The following LRRC4C variants were observed in gnomAD, a reference collection of about 807,000 sequenced individuals.
LRRC4C encodes the protein leucine-rich repeat-containing protein 4C.
A neutral mutation model predicts 33.6 loss-of-function variants in LRRC4C; 5 were observed. The observed-to-expected ratio is 0.15, with a 90% CI of 0.08 to 0.31. The LOEUF is 0.31. Among genes scored for constraint, LRRC4C ranks in the 10% least tolerant of loss-of-function variants. The probability of loss-of-function intolerance (pLI) is 1.00; values close to 1 mark genes in which losing one functional copy is unlikely to be tolerated. For synonymous variants in LRRC4C, 329 were observed against 302.0 expected, an observed-to-expected ratio of 1.09 and a Z score of -0.93; for missense variants, 560 against 796.7, an observed-to-expected ratio of 0.70 and a Z score of 3.58.
intron 3 of LRRC4C, among the ~76,000 whole-genome samples, chr11:40,452,576 G>A (rs1485581788): frequency 6.6e-6 from 1 of 152,180 alleles, no homozygotes; most frequent in South Asian, 2.1e-4. Flanking sequence ...CTTTTACACT[G>A]TTGGTGGGAC....
At chr11:40,488,279 T>C (rs993016839) in intron 3 of LRRC4C, among the ~76,000 whole-genome samples, 2 of 147,342 alleles carry the variant, frequency 1.4e-5, no homozygotes, top group South Asian at 2.1e-4. Flanking sequence ...AGGGTGTTTT[T>C]TTCCCCCCCC....
intron 3 of LRRC4C, among the ~76,000 whole-genome samples, chr11:40,476,580 G>A (rs918651521): frequency 1.1e-4 from 17 of 151,790 alleles, no homozygotes; most frequent in East Asian, 7.7e-4. Flanking sequence ...TCCTGACCTC[G>A]TGATCCACCC....
At chr11:40,681,321 GTAT>G (rs1944674095) in intron 2 of LRRC4C, among the ~76,000 whole-genome samples, 4 of 152,290 alleles carry the variant, frequency 2.6e-5, no homozygotes, top group South Asian at 4.1e-4. Context: ...AAGAGTCACA[GTAT>G]TATTAATTAA....
chr11:40,140,119 T>C (rs1211191722), intron 6 of LRRC4C, among the ~76,000 whole-genome samples: 1 of 152,182 alleles, frequency 6.6e-6, no homozygotes, highest in Non-Finnish European at 1.5e-5. Flanking sequence ...ATTAATTTTG[T>C]CAATTATTTA....
In LRRC4C at chr11:41,150,462, C is replaced by T. The variant is rs1316256260; in HGVS notation, c.-495-216739G>A. 2.6e-5 allele frequency among the ~76,000 whole-genome samples: 4 copies of T among 152,090 alleles called. No individual in the cohort carries two copies. In the South Asian group the frequency reaches 8.3e-4, roughly 31 times the overall value. On this transcript the variant is annotated intron_variant, in intron 1 of 6. Transcript: ENST00000528697. ...TCCGATTTTTGCTTGGGCATGTGTC[C>T]TTATTTCCCTTTTTCTACTGAAAAC...
At chr11:40,896,816 C>T (rs10742568) in intron 2 of LRRC4C, among the ~76,000 whole-genome samples, 129,192 of 152,160 alleles carry the variant, frequency 0.85, 55,772 homozygotes, top group Non-Finnish European at 0.93. Flanking sequence ...TTACAATCTA[C>T]GAGGTGCTGT....
At position 41,069,541 on chromosome 11, in the gene LRRC4C, C is replaced by T. The variant is rs140534296; in HGVS notation, c.-495-135818G>A. ...ACCACATCACCTCAACACAAAAACTCTTCAACTGATAAGCAACTTCAACAA... is the reference window on the plus strand; with the variant it reads ...ACCACATCACCTCAACACAAAAACTTTTCAACTGATAAGCAACTTCAACAA... On this transcript the variant is annotated intron_variant, in intron 1 of 6. Transcript: ENST00000528697. Among the ~76,000 whole-genome samples, 789 of 152,240 alleles carry T rather than the reference C, an allele frequency of 5.2e-3. 4 individuals carry two copies. The highest frequency in any genetic ancestry group is 0.017 in the Middle Eastern group (5 of 294).
At chr11:40,739,685 A>G (rs1453657770) in intron 2 of LRRC4C, among the ~76,000 whole-genome samples, 1 of 151,900 alleles carries the variant, frequency 6.6e-6, no homozygotes, top group Non-Finnish European at 1.5e-5. Context: ...AGTTCTCATG[A>G]TATCTGATAC....
intron 2 of LRRC4C, among the ~76,000 whole-genome samples, chr11:40,809,934 T>C (rs897769399): frequency 6.6e-6 from 1 of 152,200 alleles, no homozygotes; most frequent in Non-Finnish European, 1.5e-5. Context: ...AATAATGGTT[T>C]GAAGTCATAA....
At chr11:40,564,566 G>A (rs1353354) in intron 3 of LRRC4C, among the ~76,000 whole-genome samples, 35,668 of 151,948 alleles carry the variant, frequency 0.23, 4,815 homozygotes, top group East Asian at 0.57. Context: ...TGGGGATTGC[G>A]CCAAATGCCA....
chr11:40,677,122 A>C (rs1944443485), intron 2 of LRRC4C, among the ~76,000 whole-genome samples: 1 of 152,222 alleles, frequency 6.6e-6, no homozygotes, highest in Admixed American at 6.5e-5. Context: ...GTGGTGGCTC[A>C]TGCCTGTAAT....
intron 3 of LRRC4C, among the ~76,000 whole-genome samples, chr11:40,407,399 G>C (rs1950000215): frequency 6.6e-6 from 1 of 151,992 alleles, no homozygotes; most frequent in South Asian, 2.1e-4. Flanking sequence ...GATTGATTTA[G>C]GTTGGTGTTC....
At chr11:40,368,936 T>G (rs181160496) in intron 3 of LRRC4C, among the ~76,000 whole-genome samples, 3 of 151,738 alleles carry the variant, frequency 2.0e-5, no homozygotes, top group Admixed American at 2.0e-4. Context: ...AGGGATGTTG[T>G]AAGATTAATT....
At chr11:41,086,883 T>C (rs916287095) in intron 1 of LRRC4C, among the ~76,000 whole-genome samples, 1 of 150,434 alleles carries the variant, frequency 6.6e-6, no homozygotes, top group Non-Finnish European at 1.5e-5. Context: ...GAAATAGATA[T>C]GAGTCTTTTT....
chr11:41,434,735 G>A (rs1026588774), intron 1 of LRRC4C, among the ~76,000 whole-genome samples: 1 of 152,116 alleles, frequency 6.6e-6, no homozygotes. Flanking sequence ...TCCTGCTTGG[G>A]AAGTCCACAG....
intron 1 of LRRC4C, among the ~76,000 whole-genome samples, chr11:41,303,500 G>A (rs988267213): frequency 7.8e-6 from 1 of 128,958 alleles, no homozygotes; most frequent in Non-Finnish European, 1.6e-5. Flanking sequence ...GCCTCTGCCC[G>A]GCCGCCACCC....
chr11:40,975,125 T>A (rs1851992194), intron 1 of LRRC4C, among the ~76,000 whole-genome samples: 1 of 152,224 alleles, frequency 6.6e-6, no homozygotes, highest in East Asian at 1.9e-4. Flanking sequence ...TATACTTTTA[T>A]CTATGTATCC....
At position 40,578,909 on chromosome 11, in the gene LRRC4C, CACA is replaced by C. The variant is rs749042199; in HGVS notation, c.-270+69230_-270+69232del. On this transcript the variant is annotated intron_variant, in intron 3 of 6. Transcript: ENST00000528697. ...AGCTTCGCCTGTGGTAGGCACATGA[CACA>C]ACGTGTTTGTTAATGTTGTTCTTGA... Among the ~76,000 whole-genome samples the C allele has an allele frequency of 1.1e-4, 17 of 152,076 alleles. No homozygotes were observed. In the East Asian group the frequency reaches 2.7e-3, roughly 24 times the overall value.
chr11:41,014,419 A>C lies in LRRC4C; in HGVS notation c.-495-80696T>G, dbSNP rs139200280. ...GTGGGTCTGCCTAAAATAGGAAGCAATAAATGGTACCAAGAGCACAGTGCA... is the reference window on the plus strand; with the variant it reads ...GTGGGTCTGCCTAAAATAGGAAGCACTAAATGGTACCAAGAGCACAGTGCA... On this transcript the variant is annotated intron_variant, in intron 1 of 6. Coordinates refer to ENST00000528697, the MANE Select transcript of LRRC4C (RefSeq NM_001258419.2). Among the ~76,000 whole-genome samples the C allele has an allele frequency of 2.0e-5, 3 of 152,060 alleles. No individual in the cohort carries two copies. The East Asian group carries it at 5.8e-4, about 29-fold the overall frequency.
Sources: gnomAD v4.1 joint callset for allele counts (sites outside exome capture counted in the v4.1 genomes callset) on GRCh38, gnomAD v4.1.1 for gene constraint, MANE v1.5 for transcripts, NCBI Gene and HGNC (gene_info 2026-07-23, HGNC 2026-07-21) for gene names.